TMTC4: variants seen among roughly 807,000 people sequenced by gnomAD.
TMTC4 encodes protein O-mannosyl-transferase TMTC4.
Under a neutral mutation model 86.0 loss-of-function variants are expected in TMTC4, and 65 were observed. The ratio of observed to expected loss-of-function variants is 0.76; its 90% CI spans 0.62 to 0.93. TMTC4 has a LOEUF of 0.93. Among genes scored for constraint, TMTC4 ranks in the 40% least tolerant of loss-of-function variants. The probability of loss-of-function intolerance (pLI) is 0.00; values close to 1 mark genes in which losing one functional copy is unlikely to be tolerated. For synonymous variants in TMTC4, 379 were observed against 382.5 expected (o/e 0.99, Z 0.11); for missense variants, 866 against 948.1 (o/e 0.91, Z 1.14).
At chr13:100,610,316 T>C (rs2153022275) in intron 17 of TMTC4, among the ~76,000 whole-genome samples, 1 of 152,246 alleles carries the variant, frequency 6.6e-6, no homozygotes, top group East Asian at 1.9e-4. Flanking sequence ...CACTACATCC[T>C]GAAACAAGCA....
intron 17 of TMTC4, among the ~76,000 whole-genome samples, chr13:100,610,526 G>A (rs1262225180): frequency 6.6e-6 from 1 of 152,190 alleles, no homozygotes; most frequent in Non-Finnish European, 1.5e-5. Flanking sequence ...TGAGTTCTGT[G>A]TTTCAGATTT....
chr13:100,633,201 C>T (rs954162688), intron 12 of TMTC4, among the ~76,000 whole-genome samples: 9 of 150,068 alleles, frequency 6.0e-5, no homozygotes, highest in African/African-American at 2.0e-4. Context: ...CCTAGCTACT[C>T]GGGAGGCTGA....
At position 100,662,960 on chromosome 13, in the gene TMTC4, T is replaced by G. The variant is rs781165807; in HGVS notation, c.552+4A>C. 50 of 1,613,302 alleles carry G rather than the reference T, an allele frequency of 3.1e-5. No homozygotes were observed. In the Admixed American group the frequency reaches 4.7e-4, roughly 15 times the overall value. On this transcript the variant is annotated splice_donor_region_variant and intron_variant, in intron 5 of 18. Coordinates refer to ENST00000342624, the MANE Select transcript of TMTC4 (RefSeq NM_032813.5). ...TACAGATGCCTCGGGCAGACGACAC[T>G]TACACACTCGGTGTGCACAGGATGG...
intron 12 of TMTC4, among the ~76,000 whole-genome samples, chr13:100,631,714 T>C (rs186438993): frequency 6.6e-6 from 1 of 152,280 alleles, no homozygotes; most frequent in Non-Finnish European, 1.5e-5. Context: ...AATTTCTTAC[T>C]TTATATTCAA....
At position 100,614,371 on chromosome 13, in the gene TMTC4, C is replaced by A; in HGVS notation, c.1896G>T (p.Leu632=). 1 of 1,613,818 alleles carries A rather than the reference C, an allele frequency of 6.2e-7. No individual in the cohort carries two copies. The highest frequency in any genetic ancestry group is 1.1e-5 in the South Asian group (1 of 91,064). ...TCCAGGCCAGGCTGTGCTCTGGTTTCAGCACGGTGGCATTTCTCCACGCAT... is the reference window on the plus strand; with the variant it reads ...TCCAGGCCAGGCTGTGCTCTGGTTTAAGCACGGTGGCATTTCTCCACGCAT... ...ALNAWRNATV[L]KPEHSLAWNN... Residue 632 remains leucine, a synonymous_variant, in exon 16 of 19, where the codon CTG becomes CTT. Coordinates refer to ENST00000342624, the MANE Select transcript of TMTC4 (RefSeq NM_032813.5).
chr13:100,656,618 C>A, intron 5 of TMTC4, 150 bp from the exon 6 acceptor site: 1 of 581,602 alleles, frequency 1.7e-6, no homozygotes, highest in Non-Finnish European at 2.9e-6. Context: ...TCTTGGCTCA[C>A]TGTAGCCTCA....
At chr13:100,672,281 C>T (rs1472574586) in intron 1 of TMTC4, among the ~76,000 whole-genome samples, 1 of 152,198 alleles carries the variant, frequency 6.6e-6, no homozygotes, top group Admixed American at 6.5e-5. Flanking sequence ...AAGGCGGGCC[C>T]TTCTTTTGGG....
chr13:100,670,484 A>C lies in TMTC4; in HGVS notation c.-122T>G, dbSNP rs976902082. The C allele has an allele frequency of 2.7e-5, 28 of 1,021,304 alleles. No homozygotes were observed. The Middle Eastern group carries it at 9.2e-4, about 33-fold the overall frequency. The allele number at this position is 1,021,304 out of a possible 1,614,324, so 63.3% of individuals were successfully genotyped here. Reference sequence around the variant, plus strand: ...CGAGCCTCACAGCCTGGCATACGGCATGCTCTCAGCAAGTGCTGGGGGAAT... The same window carrying C: ...CGAGCCTCACAGCCTGGCATACGGCCTGCTCTCAGCAAGTGCTGGGGGAAT... On this transcript the variant is annotated 5_prime_UTR_variant, in exon 2 of 19. It removes an upstream start codon present in the reference 5' UTR. Coordinates refer to ENST00000342624, the MANE Select transcript of TMTC4 (RefSeq NM_032813.5).
intron 12 of TMTC4, among the ~76,000 whole-genome samples, chr13:100,633,196 C>T (rs995009477): frequency 2.0e-5 from 3 of 151,572 alleles, no homozygotes; most frequent in Non-Finnish European, 4.4e-5. Context: ...CCTGTCCTAG[C>T]TACTCGGGAG....
chr13:100,664,354 G>A lies in TMTC4; in HGVS notation c.220-18C>T. 6.3e-7 allele frequency: 1 copy of A among 1,578,790 alleles called. No individual in the cohort carries two copies. The highest frequency in any genetic ancestry group is 8.6e-7 in the Non-Finnish European group (1 of 1,160,396). ...TGGAGGTCCTGCAGGGTCACAAAGG[G>A]GATGTTCTGGACAAGGGTCTCCCAT... On this transcript the variant is annotated intron_variant, in intron 3 of 18. Coordinates refer to ENST00000342624, the MANE Select transcript of TMTC4 (RefSeq NM_032813.5).
At chr13:100,614,769 T>C (rs1184306660) in intron 15 of TMTC4, 1 of 306,488 alleles carries the variant, frequency 3.3e-6, no homozygotes, top group African/African-American at 2.3e-5. Flanking sequence ...TATTTAGTGA[T>C]TTTAGGAATC....
chr13:100,606,332 C>A, intron 18 of TMTC4, 26 bp downstream of exon 18: 1 of 1,603,428 alleles, frequency 6.2e-7, no homozygotes, highest in Non-Finnish European at 8.5e-7. Flanking sequence ...AATTTCAACA[C>A]GATTCAAGTT....
In TMTC4 at chr13:100,614,323, G is replaced by A; in HGVS notation, c.1944C>T (p.Asp648=). The part of the protein sequence containing the change: ...LAWNNMIILL[D]NTGNLAQAEA... Reference sequence around the variant, plus strand: ...CCATCCAGCTTTCTGTACCTGTATTGTCGAGGAGTATAATCATGTTGTTCC... The same window carrying A: ...CCATCCAGCTTTCTGTACCTGTATTATCGAGGAGTATAATCATGTTGTTCC... The change falls in exon 16 of 19, where the codon GAC becomes GAT. Residue 648 remains aspartate (D), a synonymous_variant. Coordinates refer to ENST00000342624, the MANE Select transcript of TMTC4 (RefSeq NM_032813.5). The A allele has an allele frequency of 1.2e-6, 2 of 1,612,606 alleles. No homozygotes were observed. Among genetic ancestry groups the A allele is most frequent in the Non-Finnish European group, 1.7e-6 (2 of 1,179,340 alleles).
chr13:100,671,672 C>T (rs917498395), intron 1 of TMTC4, among the ~76,000 whole-genome samples: 1 of 152,160 alleles, frequency 6.6e-6, no homozygotes, highest in African/African-American at 2.4e-5. Flanking sequence ...CCTGCCCCTA[C>T]ATCATTTCCC....
At chr13:100,648,012 C>T (rs1367723330) in intron 6 of TMTC4, among the ~76,000 whole-genome samples, 1 of 152,140 alleles carries the variant, frequency 6.6e-6, no homozygotes, top group Non-Finnish European at 1.5e-5. Context: ...TACTCTTTTT[C>T]CTTAGACTTC....
intron 12 of TMTC4, among the ~76,000 whole-genome samples, chr13:100,632,049 ACACACTCTCTCTCTCTCT>A (rs764093706): frequency 0.047 from 3,617 of 77,032 alleles, 36 homozygotes; most frequent in Non-Finnish European, 0.07. Flanking sequence ...ACACACACAC[ACACACTCTCTCTCTCTCT>A]CTCTCTCTCT....
At chr13:100,621,407 A>C (rs1243473448) in intron 15 of TMTC4, among the ~76,000 whole-genome samples, 1 of 152,152 alleles carries the variant, frequency 6.6e-6, no homozygotes, top group Non-Finnish European at 1.5e-5. Flanking sequence ...AAAAAAAGGG[A>C]TGAAAGAAGA....
At chr13:100,661,994 A>C (rs935607085) in intron 5 of TMTC4, among the ~76,000 whole-genome samples, 1 of 152,092 alleles carries the variant, frequency 6.6e-6, no homozygotes, top group African/African-American at 2.4e-5. Flanking sequence ...CAAAGGGTCC[A>C]CATGGTGGTG....
chr13:100,656,749 G>A (rs565162017), intron 5 of TMTC4, among the ~76,000 whole-genome samples: 35 of 151,884 alleles, frequency 2.3e-4, no homozygotes, highest in Non-Finnish European at 4.9e-4. Flanking sequence ...TCACCATGTT[G>A]CCCAGGCTGG....
Sources: allele counts gnomAD v4.1 joint callset (sites outside exome capture counted in the v4.1 genomes callset), GRCh38; gene constraint gnomAD v4.1.1; transcripts MANE v1.5; gene names NCBI Gene and HGNC (gene_info 2026-07-23, HGNC 2026-07-21).